Variants in NR4A1 observed in about 807,000 individuals in gnomAD.
NR4A1 encodes the protein nuclear receptor subfamily 4immunitygroup A member 1.
A neutral mutation model predicts 47.5 loss-of-function variants in NR4A1; 24 were observed. The ratio of observed to expected loss-of-function variants is 0.50; its 90% confidence interval spans 0.37 to 0.71. The LOEUF is 0.71. NR4A1 is among the 30% of genes least tolerant of loss of function. NR4A1 has a pLI of 0.00. For missense variants in NR4A1, 669 were observed against 788.6 expected (o/e 0.85, Z 1.82); for synonymous variants, 353 against 345.7 (o/e 1.02, Z -0.24).
intron 2 of NR4A1, 38 bp from the exon 3 acceptor site, chr12:52,055,991 AC>A: frequency 4.0e-6 from 1 of 252,144 alleles, no homozygotes; most frequent in Non-Finnish European, 5.9e-6. Flanking sequence ...TCCCCACCCC[AC>A]ACTCTGACAG....
At chr12:52,038,034 C>A in intron 1 of NR4A1, 1 of 987,716 alleles carries the variant, frequency 1.0e-6, no homozygotes, top group Non-Finnish European at 1.2e-6. Flanking sequence ...GGGCACAGTT[C>A]CTTGACTTGG....
intron 1 of NR4A1, among the ~76,000 whole-genome samples, chr12:52,036,111 C>G (rs1418691313): frequency 1.3e-5 from 2 of 152,194 alleles, no homozygotes; most frequent in Admixed American, 6.5e-5. Flanking sequence ...CAGCCAGCCC[C>G]AATCCCATTG....
At chr12:52,037,209 G>T in intron 1 of NR4A1, 1 of 232,800 alleles carries the variant, frequency 4.3e-6, no homozygotes, top group South Asian at 1.4e-4. Context: ...CGCGCGGCCG[G>T]AACTGCGGGC....
Position 52,057,342 on chromosome 12 carries a change from T to G in NR4A1, c.1362-10T>G, listed in dbSNP as rs1939327794. 6.2e-7 allele frequency: 1 copy of G among 1,614,060 alleles called. No individual in the cohort carries two copies. The highest frequency in any genetic ancestry group is 8.5e-7 in the Non-Finnish European group (1 of 1,180,022). On this transcript the variant is annotated splice_polypyrimidine_tract_variant and intron_variant, in intron 5 of 6. Transcript: ENST00000394825. ...ACCCTGATCGCTCTTCGTGCCCATC[T>G]GCCTGCCAGGTCTAAGCCAGGCGAG...
intron 1 of NR4A1, among the ~76,000 whole-genome samples, chr12:52,027,648 C>G (rs1938026176): frequency 6.6e-6 from 1 of 152,214 alleles, no homozygotes; most frequent in Non-Finnish European, 1.5e-5. Context: ...TCGGGGTGCA[C>G]GTGGGGGCTG....
At chr12:52,042,850 G>T (rs1938489905) in intron 2 of NR4A1, among the ~76,000 whole-genome samples, 1 of 152,214 alleles carries the variant, frequency 6.6e-6, no homozygotes, top group Non-Finnish European at 1.5e-5. Context: ...CCAGACAGGG[G>T]TCATGAGATT....
chr12:52,023,861 C>T (rs1249883615), intron 1 of NR4A1, among the ~76,000 whole-genome samples: 1 of 152,234 alleles, frequency 6.6e-6, no homozygotes, highest in Non-Finnish European at 1.5e-5. Flanking sequence ...TGCGGGGCGG[C>T]GGCGCCCTCT....
At chr12:52,055,761 C>CTA (rs752433772) in intron 2 of NR4A1, 1 of 309,766 alleles carries the variant, frequency 3.2e-6, no homozygotes, top group Non-Finnish European at 5.9e-6. Flanking sequence ...ATACAGGTGT[C>CTA]TAGACTGCCA....
intron 1 of NR4A1, chr12:52,038,066 C>T: frequency 2.0e-6 from 2 of 986,312 alleles, no homozygotes; most frequent in Non-Finnish European, 1.2e-6. Flanking sequence ...CCAACGCCCC[C>T]CCTTTCTTTT....
rs1337125028 is a variant in NR4A1 at position 52,057,113 on chromosome 12, G to A, written c.1215G>A (p.Gln405=). Residue 405 remains glutamine, a synonymous_variant, in exon 5 of 7, where the codon CAG becomes CAA. Transcript: ENST00000394825. Reference sequence around the variant, plus strand: ...AGGAAGATGCTGGGGATGTACAGCAGTTCTACGACCTGCTCTCCGGTTCTC... The same window carrying A: ...AGGAAGATGCTGGGGATGTACAGCAATTCTACGACCTGCTCTCCGGTTCTC... The part of the protein sequence containing the change: ...FGKEDAGDVQ[Q]FYDLLSGSLE... 1.2e-6 allele frequency: 2 copies of A among 1,613,272 alleles called. No individual in the cohort carries two copies. Among genetic ancestry groups the A allele is most frequent in the Non-Finnish European group, 8.5e-7 (1 of 1,179,612 alleles).
chr12:52,038,483 C>T, intron 1 of NR4A1: 1 of 509,700 alleles, frequency 2.0e-6, no homozygotes, highest in Non-Finnish European at 3.6e-6. Context: ...ATTAGGGGCA[C>T]ATTGGGAAAA....
chr12:52,026,749 C>T (rs980012094), intron 1 of NR4A1, among the ~76,000 whole-genome samples: 3 of 152,124 alleles, frequency 2.0e-5, no homozygotes, highest in Admixed American at 1.3e-4. Context: ...GTACAAAGCC[C>T]GCCTAAAGCC....
In NR4A1 at chr12:52,043,702, A is replaced by G. The variant is rs1592289636; in HGVS notation, c.37+1773A>G. 4.0e-6 allele frequency: 5 copies of G among 1,254,058 alleles called. No homozygotes were observed. The East Asian group carries it at 2.8e-4, about 70-fold the overall frequency. 77.7% of individuals were successfully genotyped at this position (1,254,058 alleles called of 1,614,324 possible). A position where few individuals can be genotyped will look rare whatever the true frequency, so the allele number is the denominator to read the frequency against. ...TTCTGCTATATAAACAGAGGAGGAC[A>G]CGCCGGCTTGGAGGCAGCACCACAT... On this transcript the variant is annotated intron_variant, in intron 2 of 7. Coordinates refer to the NR4A1 transcript ENST00000360284.
chr12:52,030,572 G>A (rs1938101373), intron 1 of NR4A1, among the ~76,000 whole-genome samples: 1 of 152,188 alleles, frequency 6.6e-6, no homozygotes, highest in African/African-American at 2.4e-5. Flanking sequence ...GGGATTACAG[G>A]CATAGGCCAC....
rs759337630 is a variant in NR4A1, at chr12:52,057,046, C to G, written c.1159-11C>G. 1.3e-6 allele frequency: 2 copies of G among 1,581,710 alleles called. No homozygotes were observed. Among genetic ancestry groups the G allele is most frequent in the Non-Finnish European group, 1.7e-6 (2 of 1,162,722 alleles). ...GCCTGGGGTGCTGACCCCACTGGAC[C>G]GTCTTCCTAGTTCCAGGAGCTGGTG... is the stretch of plus-strand genomic sequence containing the variant. On this transcript the variant is annotated splice_polypyrimidine_tract_variant and intron_variant, in intron 4 of 6. Coordinates refer to ENST00000394825, the MANE Select transcript of NR4A1 (RefSeq NM_173157.3).
rs60552358 is a variant in NR4A1 at position 52,052,268 on chromosome 12, C to CGTGTGTGTGT, written c.-3+728_-3+737dup. On this transcript the variant is annotated intron_variant, in intron 1 of 6. Transcript: ENST00000394825. ...ATTGATTTCGCTGGGGCTTGGATCA[C>CGTGTGTGTGT]GTGTGTGTGTGTGTGTGTGTGTGTG... Among the ~76,000 whole-genome samples, 708 of 129,904 alleles carry CGTGTGTGTGT rather than the reference C, an allele frequency of 5.5e-3. 5 individuals are homozygous for CGTGTGTGTGT. Among genetic ancestry groups the CGTGTGTGTGT allele is most frequent in the African/African-American group, 8.4e-3 (263 of 31,146 alleles). 85.2% of individuals were successfully genotyped at this position (129,904 alleles called of 152,430 possible). A position where few individuals can be genotyped will look rare whatever the true frequency, so the allele number is the denominator to read the frequency against.
upstream of NR4A1, among the ~76,000 whole-genome samples, chr12:52,048,670 C>CAA (rs1938777158): frequency 6.6e-6 from 1 of 152,114 alleles, no homozygotes; most frequent in Non-Finnish European, 1.5e-5. Flanking sequence ...AAAGTGGGTG[C>CAA]TAGGTGAGGA....
chr12:52,031,355 C>T (rs914544599), intron 1 of NR4A1, among the ~76,000 whole-genome samples: 2 of 151,400 alleles, frequency 1.3e-5, no homozygotes, highest in Non-Finnish European at 3.0e-5. Flanking sequence ...AGCTACTTCC[C>T]GCCAGGCACA....
chr12:52,054,393 C>G lies in NR4A1; in HGVS notation c.65C>G (p.Ala22Gly), dbSNP rs1939133329. ...AGTCCGGGACCCCGTGACCACCTGG[C>G]AAGCGACCCCCTGACCCCTGAGTTC... is the stretch of plus-strand genomic sequence containing the variant. Reference protein sequence around the residue: ...APSPGPRDHLASDPLTPEFIK... With the variant: ...APSPGPRDHLGSDPLTPEFIK... The change falls in exon 2 of 7, where the codon GCA (alanine) becomes GGA (glycine). Residue 22 changes from alanine to glycine, a missense_variant. Ala to Gly is a moderately conservative substitution (Grantham distance 60). Coordinates refer to ENST00000394825, the MANE Select transcript of NR4A1 (RefSeq NM_173157.3). 4 of 1,613,606 alleles carry G rather than the reference C, an allele frequency of 2.5e-6. No homozygotes were observed. Among genetic ancestry groups the G allele is most frequent in the Non-Finnish European group, 2.5e-6 (3 of 1,179,776 alleles).
Sources: gnomAD v4.1 joint callset for allele counts (sites outside exome capture counted in the v4.1 genomes callset) on GRCh38, gnomAD v4.1.1 for gene constraint, MANE v1.5 for transcripts, NCBI Gene and HGNC (gene_info 2026-07-23, HGNC 2026-07-21) for gene names.